Variants in DGKI observed in about 807,000 individuals in gnomAD.
DGKI encodes diacylglycerol kinase iota.
Under a neutral mutation model 147.5 loss-of-function variants are expected in DGKI, and 55 were observed. The ratio of observed to expected loss-of-function variants is 0.37; its 90% CI spans 0.30 to 0.47. The LOEUF (loss-of-function observed/expected upper bound fraction) is 0.47. Among genes scored for constraint, DGKI ranks in the 20% least tolerant of loss-of-function variants. DGKI has a pLI of 1.00. For synonymous variants in DGKI, 469 were observed against 477.1 expected (o/e 0.98, Z 0.22); for missense variants, 1,007 against 1,323.8 (o/e 0.76, Z 3.71).
intron 6 of DGKI, among the ~76,000 whole-genome samples, chr7:137,634,691 A>G (rs771002810): frequency 5.9e-5 from 9 of 152,122 alleles, no homozygotes; most frequent in Non-Finnish European, 1.0e-4. Flanking sequence ...CTCTCATTCA[A>G]CTCACCTCTG....
chr7:137,430,461 G>A (rs559017474), intron 28 of DGKI, among the ~76,000 whole-genome samples: 5 of 151,112 alleles, frequency 3.3e-5, no homozygotes, highest in South Asian at 4.2e-4. Context: ...GCTAAATGAC[G>A]TGTTAATGGG....
chr7:137,798,411 T>G (rs981878460), intron 1 of DGKI, among the ~76,000 whole-genome samples: 3 of 152,102 alleles, frequency 2.0e-5, no homozygotes, highest in Admixed American at 6.6e-5. Flanking sequence ...GGCCGATATC[T>G]GCTTTTTTTA....
chr7:137,846,396 G>A lies in DGKI; in HGVS notation c.401+66C>T. 2 of 1,124,936 alleles carry A rather than the reference G, an allele frequency of 1.8e-6. No individual in the cohort carries two copies. The highest frequency in any genetic ancestry group is 2.3e-6 in the Non-Finnish European group (2 of 857,250). The allele number at this position is 1,124,936 out of a possible 1,614,324, so 69.7% of individuals were successfully genotyped here. On this transcript the variant is annotated intron_variant, in intron 1 of 32. Coordinates refer to ENST00000614521, the MANE Select transcript of DGKI (RefSeq NM_001321708.2). The surrounding 1 kb of genome is among the most constrained non-coding windows in gnomAD (Gnocchi z 4.0). Reference sequence around the variant, plus strand: ...GCCCAACTCCGCGGAAGCGCCCCTTGCTGGGTAGAAGAGTGGGTCTCCCGC... The same window carrying A: ...GCCCAACTCCGCGGAAGCGCCCCTTACTGGGTAGAAGAGTGGGTCTCCCGC...
At chr7:137,547,875 G>A (rs2128964177) in intron 20 of DGKI, among the ~76,000 whole-genome samples, 1 of 152,340 alleles carries the variant, frequency 6.6e-6, no homozygotes, top group South Asian at 2.1e-4. Context: ...GGGGTCCTAA[G>A]CTGTGAGCGA....
intron 1 of DGKI, among the ~76,000 whole-genome samples, chr7:137,692,382 A>C (rs1000226634): frequency 3.9e-5 from 6 of 152,240 alleles, no homozygotes; most frequent in African/African-American, 1.4e-4. Context: ...GCAAACTCTT[A>C]GAATGGCTGA....
At chr7:137,554,569 T>G (rs1818157612) in intron 19 of DGKI, among the ~76,000 whole-genome samples, 2 of 152,254 alleles carry the variant, frequency 1.3e-5, no homozygotes, top group Middle Eastern at 6.8e-3. Context: ...CTTGAGATTT[T>G]CTATCTTTTC....
chr7:137,793,862 A>G (rs915100360), intron 1 of DGKI, among the ~76,000 whole-genome samples: 1 of 152,240 alleles, frequency 6.6e-6, no homozygotes, highest in Non-Finnish European at 1.5e-5. Flanking sequence ...ATCACAAATT[A>G]GTCCCCTTCC....
intron 1 of DGKI, among the ~76,000 whole-genome samples, chr7:137,784,008 G>T (rs1796595105): frequency 6.6e-6 from 1 of 152,010 alleles, no homozygotes; most frequent in East Asian, 1.9e-4. Context: ...CCTCAAAATA[G>T]AACCTTCTTA....
At chr7:137,748,633 G>T (rs973996252) in intron 1 of DGKI, among the ~76,000 whole-genome samples, 12 of 152,136 alleles carry the variant, frequency 7.9e-5, no homozygotes, top group Admixed American at 7.9e-4. Flanking sequence ...AAAAGAGGAA[G>T]CCATGGGGAA....
chr7:137,507,303 G>A (rs1816401357), intron 21 of DGKI, among the ~76,000 whole-genome samples: 1 of 152,172 alleles, frequency 6.6e-6, no homozygotes, highest in Admixed American at 6.5e-5. Context: ...CATTAAAAAT[G>A]TCATCCACAA....
intron 24 of DGKI, among the ~76,000 whole-genome samples, chr7:137,469,310 A>G (rs1814788572): frequency 6.6e-6 from 1 of 152,330 alleles, no homozygotes; most frequent in African/African-American, 2.4e-5. Flanking sequence ...CATCGGCCTG[A>G]GCAACTTGAT....
rs142620571 is a variant in DGKI at position 137,479,113 on chromosome 7, T to C, written c.2373+6261A>G. On this transcript the variant is annotated intron_variant, in intron 23 of 32. Coordinates refer to ENST00000614521, the MANE Select transcript of DGKI (RefSeq NM_001321708.2). ...TCAATGATTCATCAAAGAGATAAGA[T>C]ACTTGACTTGCCCATTTTGGATCTG... 2.8e-3 allele frequency among the ~76,000 whole-genome samples: 431 copies of C among 152,302 alleles called. 3 individuals carry two copies. The highest frequency in any genetic ancestry group is 0.01 in the African/African-American group (421 of 41,572).
chr7:137,427,585 C>T (rs1408140212), intron 28 of DGKI, among the ~76,000 whole-genome samples: 2 of 152,090 alleles, frequency 1.3e-5, no homozygotes, highest in South Asian at 2.1e-4. Context: ...ACACAAAAAA[C>T]CCTTCAAAAA....
chr7:137,723,732 C>T (rs1227530520), intron 1 of DGKI, among the ~76,000 whole-genome samples: 1 of 96,346 alleles, frequency 1.0e-5, no homozygotes, highest in East Asian at 3.5e-4. Flanking sequence ...TTTTTTGAGA[C>T]AGAGTCTTTC....
chr7:137,485,388 T>G lies in DGKI; in HGVS notation c.2359A>C (p.Arg787=). 1 of 1,609,632 alleles carries G rather than the reference T, an allele frequency of 6.2e-7. No individual in the cohort carries two copies. The highest frequency in any genetic ancestry group is 8.5e-7 in the Non-Finnish European group (1 of 1,177,662). The change falls in exon 23 of 33, where the codon AGA becomes CGA. Residue 787 remains arginine (R), a synonymous_variant. Transcript: ENST00000614521. ...TTATTTGTTACCTGGTAATGAACTC[T>G]CTGGGAGCCAGAAGAAACTGACTGT... is the stretch of plus-strand genomic sequence containing the variant. The part of the protein sequence containing the change: ...DLQSVSSGSQ[R]VHYQDHETSF...
chr7:137,590,138 CA>C (rs1308904815), intron 12 of DGKI, among the ~76,000 whole-genome samples: 1 of 152,102 alleles, frequency 6.6e-6, no homozygotes, highest in Non-Finnish European at 1.5e-5. Context: ...TTGCAAATAG[CA>C]GAGGAAGCTG....
rs577740620 is a variant in DGKI, at chr7:137,823,482, C to T, written c.401+22980G>A. 1.1e-4 allele frequency among the ~76,000 whole-genome samples: 16 copies of T among 152,334 alleles called. No individual in the cohort carries two copies. The South Asian group carries it at 3.3e-3, about 32-fold the overall frequency. On this transcript the variant is annotated intron_variant, in intron 1 of 32. Transcript: ENST00000614521. Reference sequence around the variant, plus strand: ...AGAAGCTCCTGCGGATGTTTCACATCCTGAAAAACTTTTTCAACTTGGTCA... The same window carrying T: ...AGAAGCTCCTGCGGATGTTTCACATTCTGAAAAACTTTTTCAACTTGGTCA...
chr7:137,600,732 C>T (rs965000141), intron 10 of DGKI, among the ~76,000 whole-genome samples: 1 of 152,062 alleles, frequency 6.6e-6, no homozygotes, highest in African/African-American at 2.4e-5. Flanking sequence ...TTTTTTCTAA[C>T]TGAAGCAAAA....
intron 30 of DGKI, among the ~76,000 whole-genome samples, chr7:137,403,757 TAAAC>T (rs1811846520): frequency 6.6e-6 from 1 of 152,280 alleles, no homozygotes; most frequent in Admixed American, 6.5e-5. Flanking sequence ...AATAAGTAAA[TAAAC>T]AACAAAGGCT....
Sources: gnomAD v4.1 joint callset for allele counts (sites outside exome capture counted in the v4.1 genomes callset) on GRCh38, gnomAD v4.1.1 for gene constraint, Gnocchi (gnomAD v3.1) non-coding constraint, MANE v1.5 for transcripts, NCBI Gene and HGNC (gene_info 2026-07-23, HGNC 2026-07-21) for gene names.